The following CADPS variants were observed in gnomAD, a reference collection of about 807,000 sequenced individuals.
CADPS encodes calcium dependent secretion activator, also known as calcium-dependent secretion activator 1.
CADPS carries 57 observed loss-of-function variants against 167.3 expected under a neutral mutation model. The ratio of observed to expected loss-of-function variants is 0.34; its 90% CI spans 0.28 to 0.42. The LOEUF (loss-of-function observed/expected upper bound fraction) is 0.42, where lower values mean the gene tolerates loss of function less well. Among genes scored for constraint, CADPS ranks in the 20% least tolerant of loss-of-function variants. The probability of loss-of-function intolerance (pLI) is 1.00; values close to 1 mark genes in which losing one functional copy is unlikely to be tolerated. For missense variants in CADPS, 1,414 were observed against 1,738.1 expected, an observed-to-expected ratio of 0.81 and a Z score of 3.32; for synonymous variants, 676 against 635.3, an observed-to-expected ratio of 1.06 and a Z score of -0.96.
intron 3 of CADPS, among the ~76,000 whole-genome samples, chr3:62,680,823 T>G (rs2151023974): frequency 6.6e-6 from 1 of 152,138 alleles, no homozygotes; most frequent in Admixed American, 6.6e-5. Flanking sequence ...TGAGAAATAG[T>G]GACAATATTG....
intron 28 of CADPS, among the ~76,000 whole-genome samples, chr3:62,426,167 T>A (rs1293808013): frequency 9.9e-5 from 15 of 152,208 alleles, no homozygotes; most frequent in Non-Finnish European, 2.9e-5. Context: ...TTATTTATTT[T>A]TTTAGATAGA....
rs1353668475 is a variant in CADPS, at chr3:62,443,898, C to T, written c.3669+1867G>A. 2.0e-5 allele frequency among the ~76,000 whole-genome samples: 3 copies of T among 152,022 alleles called. No individual in the cohort carries two copies. The East Asian group carries it at 5.8e-4, about 29-fold the overall frequency. On this transcript the variant is annotated intron_variant, in intron 27 of 29. Coordinates refer to ENST00000383710, the MANE Select transcript of CADPS (RefSeq NM_003716.4). Reference sequence around the variant, plus strand: ...ACTTAATGAGTACAGATCAGGGCACCCTGCATTTTGATATAGAGTCCACTT... The same window carrying T: ...ACTTAATGAGTACAGATCAGGGCACTCTGCATTTTGATATAGAGTCCACTT...
At chr3:62,593,062 G>A (rs1203254975) in intron 6 of CADPS, among the ~76,000 whole-genome samples, 1 of 152,170 alleles carries the variant, frequency 6.6e-6, no homozygotes, top group Non-Finnish European at 1.5e-5. Context: ...CGATTCCAGG[G>A]AAATCACTAA....
At chr3:62,859,873 G>A (rs546724827) in intron 1 of CADPS, among the ~76,000 whole-genome samples, 1 of 152,250 alleles carries the variant, frequency 6.6e-6, no homozygotes, top group South Asian at 2.1e-4. Context: ...TTCAAGACAA[G>A]GTCAAGGCCA....
At chr3:62,499,137 T>C in intron 18 of CADPS, 25 bp downstream of exon 18, 4 of 1,471,742 alleles carry the variant, frequency 2.7e-6, no homozygotes, top group Non-Finnish European at 2.9e-6. Context: ...GACAGTAAGA[T>C]ACACTTCCCA....
intron 3 of CADPS, among the ~76,000 whole-genome samples, chr3:62,746,051 G>A (rs981424001): frequency 2.0e-5 from 3 of 152,178 alleles, no homozygotes; most frequent in Admixed American, 6.5e-5. Context: ...TCTCTACAAA[G>A]GTTACATTTA....
At chr3:62,686,680 G>T (rs188629416) in intron 3 of CADPS, among the ~76,000 whole-genome samples, 440 of 152,092 alleles carry the variant, frequency 2.9e-3, no homozygotes, top group Non-Finnish European at 4.7e-3. Flanking sequence ...CTTTTTGAAT[G>T]TCCTGTTTAT....
intron 1 of CADPS, chr3:62,796,403 A>G (rs1271591482): frequency 6.6e-6 from 1 of 152,158 alleles, no homozygotes; most frequent in Non-Finnish European, 1.5e-5. Flanking sequence ...CACAGTCACA[A>G]GCTACCATGC....
At chr3:62,757,712 C>A (rs780303779) in intron 2 of CADPS, among the ~76,000 whole-genome samples, 9 of 152,044 alleles carry the variant, frequency 5.9e-5, no homozygotes, top group Non-Finnish European at 1.3e-4. Context: ...TCTGTTCTCA[C>A]GCAGCTAATA....
intron 6 of CADPS, among the ~76,000 whole-genome samples, chr3:62,596,088 T>TACACACACACAC (rs56780830): frequency 5.1e-5 from 7 of 135,974 alleles, no homozygotes; most frequent in East Asian, 4.3e-4. Context: ...TATATATGTA[T>TACACACACACAC]ACACACACAC....
rs78433768 is a variant in CADPS, at chr3:62,817,860, T to C, written c.442-51876A>G. Among the ~76,000 whole-genome samples the C allele has an allele frequency of 7.6e-3, 1,150 of 152,282 alleles. 16 individuals are homozygous for C. The highest frequency in any genetic ancestry group is 0.026 in the African/African-American group (1,062 of 41,568). On this transcript the variant is annotated intron_variant, in intron 1 of 29. Transcript: ENST00000383710. ...TATTTAGAAAAGAATGCAGATTGCA[T>C]GTGGCCTTCCAAGTTCAAATGTCTA... is the stretch of plus-strand genomic sequence containing the variant.
intron 7 of CADPS, 96 bp downstream of exon 7, chr3:62,592,541 G>A: frequency 1.1e-6 from 1 of 888,838 alleles, no homozygotes; most frequent in Non-Finnish European, 1.8e-6. Flanking sequence ...GAGCCTCTCA[G>A]CACTTGGCAA....
chr3:62,665,200 T>C (rs1413353269), intron 3 of CADPS, among the ~76,000 whole-genome samples: 2 of 152,206 alleles, frequency 1.3e-5, no homozygotes, highest in East Asian at 1.9e-4. Context: ...GGGTGAGGAA[T>C]TGATGATTCC....
chr3:62,737,060 C>A (rs1348622146), intron 3 of CADPS, among the ~76,000 whole-genome samples: 1 of 152,010 alleles, frequency 6.6e-6, no homozygotes, highest in Non-Finnish European at 1.5e-5. Context: ...ATCACTTGAA[C>A]CCTGGAGGCA....
intron 10 of CADPS, among the ~76,000 whole-genome samples, chr3:62,555,747 A>G (rs2078035371): frequency 6.6e-6 from 1 of 151,972 alleles, no homozygotes; most frequent in African/African-American, 2.4e-5. Flanking sequence ...ATTCTTTACA[A>G]TTCTATTTTT....
At chr3:62,572,401 G>C (rs145604627) in intron 8 of CADPS, among the ~76,000 whole-genome samples, 19 of 152,126 alleles carry the variant, frequency 1.2e-4, no homozygotes, top group Admixed American at 7.9e-4. Flanking sequence ...AATTATAGAG[G>C]AACCTCTTAA....
chr3:62,716,135 T>C (rs1211730919), intron 3 of CADPS, among the ~76,000 whole-genome samples: 3 of 152,114 alleles, frequency 2.0e-5, no homozygotes, highest in Non-Finnish European at 2.9e-5. Context: ...TCTTGGCTCA[T>C]TGCAACCTTT....
intron 1 of CADPS, among the ~76,000 whole-genome samples, chr3:62,819,400 C>CTGTGTGTG: frequency 1.6e-5 from 2 of 128,618 alleles, no homozygotes; most frequent in African/African-American, 3.2e-5. Context: ...CAATGACAAT[C>CTGTGTGTG]TGTGTGCGTG....
intron 5 of CADPS, among the ~76,000 whole-genome samples, chr3:62,650,036 A>T (rs1393940863): frequency 6.6e-6 from 1 of 152,212 alleles, no homozygotes; most frequent in African/African-American, 2.4e-5. Context: ...ATGCTGCCAT[A>T]AATATTTACA....
Sources: allele counts gnomAD v4.1 joint callset (sites outside exome capture counted in the v4.1 genomes callset), GRCh38; gene constraint gnomAD v4.1.1; transcripts MANE v1.5; gene names NCBI Gene and HGNC (gene_info 2026-07-23, HGNC 2026-07-21).